Variants in RPS6KC1 observed in about 807,000 individuals in gnomAD.
The protein encoded by RPS6KC1 is inactive ribosomal protein S6 kinase delta-1.
Under a neutral mutation model 103.8 loss-of-function variants are expected in RPS6KC1, and 54 were observed. That is an observed-to-expected ratio of 0.52 (90% CI 0.42 to 0.65). The LOEUF is 0.65. Among genes scored for constraint, RPS6KC1 ranks in the 30% least tolerant of loss-of-function variants. The pLI, the probability that RPS6KC1 is intolerant of heterozygous loss-of-function variation, is 0.00. For synonymous variants in RPS6KC1, 439 were observed against 438.7 expected, an observed-to-expected ratio of 1.00 and a Z score of -0.01; for missense variants, 1,151 against 1,253.8, an observed-to-expected ratio of 0.92 and a Z score of 1.24.
At chr1:213,600,877 G>A in the RPS6KC1 span, among the ~76,000 whole-genome samples, 1 of 152,236 alleles carries the variant, frequency 6.6e-6, no homozygotes, top group South Asian at 2.1e-4. Context: ...AAATAAATAA[G>A]TGGTAGGGCA....
chr1:213,462,569 C>G, the RPS6KC1 span, among the ~76,000 whole-genome samples: 2 of 152,140 alleles, frequency 1.3e-5, no homozygotes, highest in Non-Finnish European at 2.9e-5. Context: ...GAATACTATG[C>G]AGCCATAAAA....
At chr1:213,370,447 C>T in the RPS6KC1 span, among the ~76,000 whole-genome samples, 1 of 152,006 alleles carries the variant, frequency 6.6e-6, no homozygotes, top group African/African-American at 2.4e-5. Flanking sequence ...CACTTACAGG[C>T]TTGTGCACTT....
At chr1:213,304,880 A>G in the RPS6KC1 span, among the ~76,000 whole-genome samples, 4 of 152,288 alleles carry the variant, frequency 2.6e-5, no homozygotes, top group East Asian at 7.7e-4. Context: ...TATGACAAAC[A>G]TTTCCATGTG....
At chr1:213,590,042 T>C in the RPS6KC1 span, among the ~76,000 whole-genome samples, 1 of 151,652 alleles carries the variant, frequency 6.6e-6, no homozygotes, top group African/African-American at 2.4e-5. Context: ...TGTGACGAAT[T>C]AGAAAAACTT....
chr1:213,435,607 T>TGTGA, the RPS6KC1 span, among the ~76,000 whole-genome samples: 42 of 152,244 alleles, frequency 2.8e-4, no homozygotes, highest in South Asian at 2.1e-4. Context: ...GGGAAGCCTC[T>TGTGA]GTGAGTACTC....
the RPS6KC1 span, chr1:213,819,872 T>C: frequency 6.6e-6 from 1 of 152,154 alleles, no homozygotes; most frequent in African/African-American, 2.4e-5. Context: ...GAAACATAAA[T>C]AGAATTTGAG....
intron 6 of RPS6KC1, among the ~76,000 whole-genome samples, chr1:213,156,659 A>G (rs1242995294): frequency 1.3e-5 from 2 of 152,340 alleles, no homozygotes; most frequent in South Asian, 2.1e-4. Context: ...GTTGAAAACA[A>G]TGTAAGAGAG....
the RPS6KC1 span, among the ~76,000 whole-genome samples, chr1:213,360,289 T>C: frequency 5.2e-3 from 797 of 152,302 alleles, 6 homozygotes; most frequent in African/African-American, 0.018. Flanking sequence ...CTTCTCTTCT[T>C]GCTTCATTTC....
chr1:213,216,559 A>G (rs2093667812), intron 8 of RPS6KC1, among the ~76,000 whole-genome samples: 1 of 152,228 alleles, frequency 6.6e-6, no homozygotes, highest in South Asian at 2.1e-4. Flanking sequence ...CCAAATCAAC[A>G]GAATATACAT....
the RPS6KC1 span, among the ~76,000 whole-genome samples, chr1:213,317,361 A>T: frequency 6.6e-6 from 1 of 152,190 alleles, no homozygotes; most frequent in African/African-American, 2.4e-5. Flanking sequence ...GGCTGCCATA[A>T]GAAAAAGGTA....
chr1:213,651,043 C>T, the RPS6KC1 span, among the ~76,000 whole-genome samples: 23 of 151,954 alleles, frequency 1.5e-4, no homozygotes, highest in Admixed American at 1.3e-4. Flanking sequence ...CTGAATCGCC[C>T]TCCTAGGGAG....
At chr1:213,536,411 A>C in the RPS6KC1 span, among the ~76,000 whole-genome samples, 1 of 152,236 alleles carries the variant, frequency 6.6e-6, no homozygotes, top group African/African-American at 2.4e-5. Context: ...GACAATCAGC[A>C]AATAAGTAAA....
the RPS6KC1 span, among the ~76,000 whole-genome samples, chr1:213,696,495 T>G: frequency 9.1e-6 from 1 of 110,338 alleles, no homozygotes; most frequent in South Asian, 2.9e-4. Context: ...AGAGTGAAAC[T>G]CCGTCTCAAA....
At chr1:213,216,815 C>G (rs375989329) in intron 8 of RPS6KC1, among the ~76,000 whole-genome samples, 6 of 151,620 alleles carry the variant, frequency 4.0e-5, no homozygotes, top group South Asian at 2.1e-4. Context: ...GATGTTCTTT[C>G]AAACCAACGA....
chr1:213,754,296 A>G, the RPS6KC1 span, among the ~76,000 whole-genome samples: 1 of 152,288 alleles, frequency 6.6e-6, no homozygotes, highest in South Asian at 2.1e-4. Flanking sequence ...TTCTTCCTAT[A>G]AGGCCACTAA....
the RPS6KC1 span, among the ~76,000 whole-genome samples, chr1:213,575,951 C>G: frequency 6.6e-6 from 1 of 152,148 alleles, no homozygotes; most frequent in South Asian, 2.1e-4. Flanking sequence ...ACAAAAAGTG[C>G]AGGTTGCAGG....
chr1:213,777,586 G>A, the RPS6KC1 span, among the ~76,000 whole-genome samples: 2 of 152,098 alleles, frequency 1.3e-5, no homozygotes, highest in African/African-American at 4.8e-5. Flanking sequence ...TATAAAAAAT[G>A]GCACCAATAT....
At chr1:213,143,349 A>AT (rs936243458) in intron 6 of RPS6KC1, among the ~76,000 whole-genome samples, 9 of 146,822 alleles carry the variant, frequency 6.1e-5, no homozygotes, top group African/African-American at 1.3e-4. Context: ...TTTGTTATGT[A>AT]TTTTTTTTTC....
downstream of RPS6KC1, among the ~76,000 whole-genome samples, chr1:213,278,333 C>T (rs1252668802): frequency 2.0e-5 from 3 of 151,538 alleles, no homozygotes; most frequent in Non-Finnish European, 4.4e-5. Context: ...GTTTCAGTGC[C>T]AATATAATGA....
Sources: allele counts gnomAD v4.1 joint callset (sites outside exome capture counted in the v4.1 genomes callset), GRCh38; gene constraint gnomAD v4.1.1; transcripts MANE v1.5; gene names NCBI Gene and HGNC (gene_info 2026-07-23, HGNC 2026-07-21).